The following HECW1 variants were observed in gnomAD, a reference collection of about 807,000 sequenced individuals.
HECW1 encodes HECT, C2 and WW domain containing E3 ubiquitin protein ligase 1.
HECW1 carries 61 observed loss-of-function variants against 182.3 expected under a neutral mutation model. The observed-to-expected ratio is 0.33, with a 90% CI of 0.27 to 0.41. HECW1 has a LOEUF of 0.41. Among genes scored for constraint, HECW1 ranks in the 10% least tolerant of loss-of-function variants. HECW1 has a pLI of 1.00. For synonymous variants in HECW1, 859 were observed against 832.6 expected, an observed-to-expected ratio of 1.03 and a Z score of -0.55; for missense variants, 1,739 against 2,108.9, an observed-to-expected ratio of 0.82 and a Z score of 3.44.
Position 43,541,219 on chromosome 7 carries a change from A to G in HECW1, c.4076A>G (p.Asp1359Gly), listed in dbSNP as rs1359441894. 9 of 1,614,068 alleles carry G rather than the reference A, an allele frequency of 5.6e-6. No homozygotes were observed. Among genetic ancestry groups the G allele is most frequent in the Non-Finnish European group, 1.7e-6 (2 of 1,179,994 alleles). The change falls in exon 25 of 30, where the codon GAC (aspartate) becomes GGC (glycine). Residue 1359 changes from aspartate to glycine, a missense_variant. By Grantham distance (94) the Asp-to-Gly change is moderately conservative. Coordinates refer to ENST00000395891, the MANE Select transcript of HECW1 (RefSeq NM_015052.5). The part of the protein sequence containing the change: ...GLALIHQYLL[D>G]AFFTRPFYKA... ...GCTCTGATCCATCAGTACCTTCTTGACGCTTTCTTCACGAGGCCCTTCTAC... is the reference window on the plus strand; with the variant it reads ...GCTCTGATCCATCAGTACCTTCTTGGCGCTTTCTTCACGAGGCCCTTCTAC...
At chr7:43,118,373 A>G (rs1393849340) in intron 2 of HECW1, 2 of 152,620 alleles carry the variant, frequency 1.3e-5, no homozygotes, top group African/African-American at 4.8e-5. Flanking sequence ...GCAGTTGGAG[A>G]AACATAAATC....
At chr7:43,177,700 C>T (rs188399997) in intron 2 of HECW1, among the ~76,000 whole-genome samples, 26 of 152,268 alleles carry the variant, frequency 1.7e-4, no homozygotes, top group Non-Finnish European at 2.9e-4. Flanking sequence ...TACTTCAACC[C>T]GTTTTGTGAA....
At chr7:43,401,032 C>T (rs1282338582) in intron 7 of HECW1, among the ~76,000 whole-genome samples, 3 of 152,176 alleles carry the variant, frequency 2.0e-5, no homozygotes, top group Non-Finnish European at 4.4e-5. Context: ...ACGTTGCACT[C>T]ACCTGGACAG....
intron 2 of HECW1, among the ~76,000 whole-genome samples, chr7:43,187,403 C>T (rs1793510728): frequency 6.6e-6 from 1 of 152,166 alleles, no homozygotes; most frequent in Admixed American, 6.5e-5. Flanking sequence ...TTTGAACCAC[C>T]ACATACCATA....
intron 17 of HECW1, 38 bp downstream of exon 17, chr7:43,479,782 C>A: frequency 1.2e-6 from 2 of 1,611,386 alleles, no homozygotes; most frequent in South Asian, 1.1e-5. Flanking sequence ...GTTCACCGGT[C>A]ACAGTCTCTG....
At chr7:43,219,602 G>A (rs1796771999) in intron 2 of HECW1, among the ~76,000 whole-genome samples, 1 of 152,114 alleles carries the variant, frequency 6.6e-6, no homozygotes, top group Non-Finnish European at 1.5e-5. Flanking sequence ...CAAGCAGTGG[G>A]TATGTGACTG....
chr7:43,431,490 T>C (rs367849144), intron 8 of HECW1, among the ~76,000 whole-genome samples: 3 of 152,250 alleles, frequency 2.0e-5, no homozygotes, highest in East Asian at 3.9e-4. Context: ...CCTTTTCTCC[T>C]TGCCTGCTAG....
chr7:43,235,000 T>C (rs1798195665), intron 2 of HECW1, among the ~76,000 whole-genome samples: 1 of 152,192 alleles, frequency 6.6e-6, no homozygotes, highest in Non-Finnish European at 1.5e-5. Context: ...TGCCTCACAA[T>C]AGTGAATCAC....
intron 3 of HECW1, among the ~76,000 whole-genome samples, chr7:43,305,607 T>C (rs545466082): frequency 1.3e-5 from 2 of 152,044 alleles, no homozygotes; most frequent in African/African-American, 2.4e-5. Flanking sequence ...GTTGTTGTTG[T>C]TGTTGTTTGT....
chr7:43,390,910 G>T (rs1034130209), intron 6 of HECW1, among the ~76,000 whole-genome samples: 7 of 152,010 alleles, frequency 4.6e-5, no homozygotes, highest in African/African-American at 1.7e-4. Context: ...CTTTTCCTGG[G>T]CCTTGAAGCA....
intron 2 of HECW1, among the ~76,000 whole-genome samples, chr7:43,139,116 CT>C (rs763718395): frequency 2.0e-5 from 3 of 151,972 alleles, no homozygotes; most frequent in Non-Finnish European, 4.4e-5. Context: ...ATGATATCTT[CT>C]TTATTCTTAA....
chr7:43,158,840 G>A (rs1460919870), intron 2 of HECW1, among the ~76,000 whole-genome samples: 1 of 152,188 alleles, frequency 6.6e-6, no homozygotes. Context: ...CAATTCAAGT[G>A]TCTCATCTAG....
chr7:43,531,056 C>T (rs1274351873), intron 24 of HECW1, among the ~76,000 whole-genome samples: 1 of 152,216 alleles, frequency 6.6e-6, no homozygotes, highest in African/African-American at 2.4e-5. Context: ...ACATCTTGTC[C>T]TTCCTCATTC....
At chr7:43,275,957 G>A (rs1281731040) in intron 3 of HECW1, among the ~76,000 whole-genome samples, 1 of 152,120 alleles carries the variant, frequency 6.6e-6, no homozygotes, top group Admixed American at 6.5e-5. Flanking sequence ...CATACATTGA[G>A]ATCTATTATA....
chr7:43,364,647 G>A (rs1816396936), intron 6 of HECW1, among the ~76,000 whole-genome samples: 1 of 152,230 alleles, frequency 6.6e-6, no homozygotes, highest in Non-Finnish European at 1.5e-5. Context: ...CAGAAGGGAT[G>A]GCCTGTACAA....
chr7:43,176,712 A>G (rs191254372), intron 2 of HECW1, among the ~76,000 whole-genome samples: 1 of 152,226 alleles, frequency 6.6e-6, no homozygotes, highest in Non-Finnish European at 1.5e-5. Context: ...TCTTGACCCA[A>G]TCATCTCCCG....
intron 2 of HECW1, among the ~76,000 whole-genome samples, chr7:43,176,793 C>A (rs1792297731): frequency 6.6e-6 from 1 of 152,184 alleles, no homozygotes; most frequent in African/African-American, 2.4e-5. Flanking sequence ...GGGACACATT[C>A]AAACCATACC....
At chr7:43,529,832 C>T (rs569053615) in intron 24 of HECW1, among the ~76,000 whole-genome samples, 18 of 152,328 alleles carry the variant, frequency 1.2e-4, no homozygotes, top group Admixed American at 3.9e-4. Context: ...TCACTCACTT[C>T]CTCACCTACT....
chr7:43,269,196 A>G (rs1802115548), intron 3 of HECW1, among the ~76,000 whole-genome samples: 1 of 152,190 alleles, frequency 6.6e-6, no homozygotes, highest in Non-Finnish European at 1.5e-5. Context: ...TTTGCCTGCC[A>G]TTCATACACC....
Sources: allele counts gnomAD v4.1 joint callset (sites outside exome capture counted in the v4.1 genomes callset), GRCh38; gene constraint gnomAD v4.1.1; transcripts MANE v1.5; gene names NCBI Gene and HGNC (gene_info 2026-07-23, HGNC 2026-07-21).